COG3: variants seen among roughly 807,000 people sequenced by gnomAD.
COG3 encodes component of oligomeric golgi complex 3.
A neutral mutation model predicts 114.1 loss-of-function variants in COG3; 32 were observed. The observed-to-expected ratio is 0.28, with a 90% CI of 0.21 to 0.38. COG3 has a LOEUF of 0.38. Among genes scored for constraint, COG3 ranks in the 10% least tolerant of loss-of-function variants. The pLI is 1.00. For missense variants in COG3, 813 were observed against 973.2 expected (o/e 0.84, Z 2.19); for synonymous variants, 352 against 365.7 (o/e 0.96, Z 0.43).
rs1359860870 is a variant in COG3 at position 45,496,139 on chromosome 13, AC to A, written c.1328-12del. ...TAAATCTAAAAGAATGGATGATTGC[AC>A]TTTTTTATCAGCTGAGCAACTGGGG... On this transcript the variant is annotated splice_polypyrimidine_tract_variant and intron_variant, in intron 12 of 22. Coordinates refer to ENST00000349995, the MANE Select transcript of COG3 (RefSeq NM_031431.4). The A allele has an allele frequency of 6.9e-6, 11 of 1,597,898 alleles. No homozygotes were observed. The highest frequency in any genetic ancestry group is 8.5e-6 in the Non-Finnish European group (10 of 1,170,936).
intron 13 of COG3, among the ~76,000 whole-genome samples, chr13:45,502,658 A>T (rs1436747670): frequency 6.6e-6 from 1 of 151,808 alleles, no homozygotes; most frequent in African/African-American, 2.4e-5. Flanking sequence ...TTTTTTGGGT[A>T]CAGGTGATTT....
At chr13:45,471,021 C>T (rs79755569) in intron 1 of COG3, among the ~76,000 whole-genome samples, 2 of 152,344 alleles carry the variant, frequency 1.3e-5, no homozygotes, top group African/African-American at 2.4e-5. Flanking sequence ...ACAACCCCAT[C>T]ATAAGCTGAG....
chr13:45,483,636 C>A (rs965951151), intron 7 of COG3, among the ~76,000 whole-genome samples: 1 of 152,050 alleles, frequency 6.6e-6, no homozygotes, highest in African/African-American at 2.4e-5. Flanking sequence ...TTAAAACATT[C>A]CTTTTCTATC....
intron 1 of COG3, among the ~76,000 whole-genome samples, chr13:45,470,116 C>T: frequency 6.6e-6 from 1 of 152,088 alleles, no homozygotes; most frequent in East Asian, 1.9e-4. Flanking sequence ...CTGTCTTTTC[C>T]TTATACTCTG....
At chr13:45,487,757 A>G (rs780906996) in intron 8 of COG3, among the ~76,000 whole-genome samples, 1 of 152,208 alleles carries the variant, frequency 6.6e-6, no homozygotes, top group Non-Finnish European at 1.5e-5. Context: ...GGATGCAGAC[A>G]AAAGGAAATT....
At chr13:45,513,539 T>C in intron 16 of COG3, among the ~76,000 whole-genome samples, 1 of 141,202 alleles carries the variant, frequency 7.1e-6, no homozygotes, top group African/African-American at 2.6e-5. Context: ...ATATATAATA[T>C]ATACATATAA....
chr13:45,480,664 C>T (rs1244331278), intron 4 of COG3, among the ~76,000 whole-genome samples: 1 of 152,164 alleles, frequency 6.6e-6, no homozygotes, highest in South Asian at 2.1e-4. Flanking sequence ...CTCCTGGGCT[C>T]AAGCGATTCT....
chr13:45,474,151 C>CTCTTT (rs1380085026), intron 1 of COG3, among the ~76,000 whole-genome samples: 82 of 81,974 alleles, frequency 1.0e-3, no homozygotes, highest in African/African-American at 4.0e-3. Context: ...CTTTTTTACT[C>CTCTTT]TTTTTTTTTT....
chr13:45,470,077 TAATGAC>T (rs1230352636), intron 1 of COG3, among the ~76,000 whole-genome samples: 1 of 152,230 alleles, frequency 6.6e-6, no homozygotes. Context: ...CTTTATAGTT[TAATGAC>T]AATGACAATG....
At chr13:45,521,896 G>A (rs374241370) in intron 19 of COG3, among the ~76,000 whole-genome samples, 2 of 149,954 alleles carry the variant, frequency 1.3e-5, no homozygotes, top group East Asian at 2.0e-4. Context: ...TCTGCCTCCC[G>A]GGTCCAAGCA....
Position 45,518,985 on chromosome 13 carries a change from A to G in COG3, c.2045A>G (p.Tyr682Cys), listed in dbSNP as rs1161216039. ...LEGTPEIREH[Y>C]LDSKKDVDRH... ...GGTACTCCTGAGATAAGAGAACATT[A>G]TCTTGACTCTAAAAAAGACGTAGAC... Residue 682 changes from tyrosine to cysteine, a missense_variant, in exon 19 of 23, where the codon TAT becomes TGT. Physicochemically the swap from Tyr to Cys is radical, Grantham distance 194 (BLOSUM62 -2). This residue lies in a region of COG3 where 389 missense variants were observed against 542.6 expected (regional missense o/e 0.72). Coordinates refer to ENST00000349995, the MANE Select transcript of COG3 (RefSeq NM_031431.4). The G allele has an allele frequency of 6.2e-7, 1 of 1,614,174 alleles. No homozygotes were observed. The highest frequency in any genetic ancestry group is 1.7e-5 in the Admixed American group (1 of 60,024).
chr13:45,491,128 G>A (rs1217887196), intron 9 of COG3, among the ~76,000 whole-genome samples, 170 bp downstream of exon 9: 1 of 152,208 alleles, frequency 6.6e-6, no homozygotes, highest in Non-Finnish European at 1.5e-5. Flanking sequence ...TTACATGACA[G>A]CAGTTTTTCC....
chr13:45,523,944 C>T (rs896039820), intron 19 of COG3, among the ~76,000 whole-genome samples: 13 of 151,796 alleles, frequency 8.6e-5, no homozygotes, highest in African/African-American at 2.7e-4. Context: ...TTTTAAAGTG[C>T]ACCTCAAAAA....
Position 45,465,196 on chromosome 13 carries a change from C to T in COG3, c.160C>T (p.Pro54Ser), listed in dbSNP as rs771511545. 4 of 1,613,390 alleles carry T rather than the reference C, an allele frequency of 2.5e-6. No individual in the cohort carries two copies. Among genetic ancestry groups the T allele is most frequent in the Admixed American group, 1.7e-5 (1 of 60,002 alleles). The change falls in exon 1 of 23, where the codon CCG (proline) becomes TCG (serine). Residue 54 changes from proline to serine, a missense_variant. Physicochemically the swap from Pro to Ser is moderately conservative, Grantham distance 74 (BLOSUM62 -1). Around this residue, in one of 2 missense-constraint regions of COG3, gnomAD observed 424 missense variants for 430.6 expected, o/e 0.98. Coordinates refer to ENST00000349995, the MANE Select transcript of COG3 (RefSeq NM_031431.4). ...LELKAAAENL[P>S]VPAELPIEDL... ...GCTGAAGGCGGCGGCAGAGAACTTGCCGGTGCCAGCTGAGGTGAGGTGATG... is the reference window on the plus strand; with the variant it reads ...GCTGAAGGCGGCGGCAGAGAACTTGTCGGTGCCAGCTGAGGTGAGGTGATG...
chr13:45,471,687 TGTA>T lies in COG3; in HGVS notation c.175-4510_175-4508del, dbSNP rs371787995. Reference sequence around the variant, plus strand: ...CTGAAGAATGTCCTTTAACATTTCTTGTAGTATAGGTCTGCTGGTAATGAATTC... The same window carrying T: ...CTGAAGAATGTCCTTTAACATTTCTTGTATAGGTCTGCTGGTAATGAATTC... On this transcript the variant is annotated intron_variant, in intron 1 of 22. Coordinates refer to ENST00000349995, the MANE Select transcript of COG3 (RefSeq NM_031431.4). Among the ~76,000 whole-genome samples the T allele has an allele frequency of 8.9e-3, 1,357 of 152,274 alleles. 23 individuals are homozygous for T. Among genetic ancestry groups the T allele is most frequent in the African/African-American group, 0.031 (1,282 of 41,566 alleles).
chr13:45,534,496 A>C, intron 22 of COG3: 1 of 417,020 alleles, frequency 2.4e-6, no homozygotes, highest in Non-Finnish European at 4.2e-6. Context: ...GCTCTAAACA[A>C]CTTTTTTTTT....
intron 13 of COG3, among the ~76,000 whole-genome samples, chr13:45,501,569 A>G (rs1289625766): frequency 6.6e-6 from 1 of 152,204 alleles, no homozygotes; most frequent in Non-Finnish European, 1.5e-5. Context: ...GTGCATCAGT[A>G]TATTTCCTGC....
At chr13:45,491,276 T>C (rs529265706) in intron 9 of COG3, 136 bp from the exon 10 acceptor site, 1 of 775,588 alleles carries the variant, frequency 1.3e-6, no homozygotes, top group South Asian at 2.0e-5. Flanking sequence ...TTTCTAGTAT[T>C]AAATAGTTAA....
chr13:45,485,262 C>CAT (rs1886538547), intron 7 of COG3, among the ~76,000 whole-genome samples: 1 of 51,212 alleles, frequency 2.0e-5, no homozygotes, highest in Non-Finnish European at 3.5e-5. Flanking sequence ...CCGGATGGGG[C>CAT]GGCTGGCCGG....
Sources: gnomAD v4.1 joint callset for allele counts (sites outside exome capture counted in the v4.1 genomes callset) on GRCh38, gnomAD v4.1.1 for gene constraint, gnomAD v4.1.1 regional missense constraint, MANE v1.5 for transcripts, NCBI Gene and HGNC (gene_info 2026-07-23, HGNC 2026-07-21) for gene names.